ZRANB3: variants seen among roughly 807,000 people sequenced by gnomAD.
The protein encoded by ZRANB3 is DNA annealing helicase and endonuclease ZRANB3.
In ZRANB3, 125 loss-of-function variants were observed where a neutral mutation model predicts 133.8. The ratio of observed to expected loss-of-function variants is 0.93; its 90% CI spans 0.81 to 1.08. The LOEUF is 1.08. ZRANB3 is among the 50% of genes least tolerant of loss of function. The pLI is 0.00. For missense variants in ZRANB3, 1,229 were observed against 1,275.5 expected (o/e 0.96, Z 0.56); for synonymous variants, 387 against 432.7 (o/e 0.89, Z 1.31).
intron 2 of ZRANB3, among the ~76,000 whole-genome samples, chr2:135,462,591 C>T (rs1690809533): frequency 6.7e-6 from 1 of 148,622 alleles, no homozygotes; most frequent in African/African-American, 2.6e-5. Flanking sequence ...CCCTCTCTCT[C>T]TCTTTTTCTT....
chr2:135,475,476 G>C (rs1042809812), intron 2 of ZRANB3, among the ~76,000 whole-genome samples: 1 of 152,194 alleles, frequency 6.6e-6, no homozygotes, highest in African/African-American at 2.4e-5. Flanking sequence ...ATGTTGTCAT[G>C]CTCAATTTCA....
intron 3 of ZRANB3, among the ~76,000 whole-genome samples, chr2:135,367,599 T>A (rs955908353): frequency 2.0e-5 from 3 of 151,996 alleles, no homozygotes; most frequent in Non-Finnish European, 4.4e-5. Context: ...AAAAAATAAA[T>A]AAATAAATAA....
intron 2 of ZRANB3, among the ~76,000 whole-genome samples, chr2:135,479,803 A>C (rs1691680846): frequency 6.6e-6 from 1 of 152,188 alleles, no homozygotes; most frequent in Non-Finnish European, 1.5e-5. Context: ...TATTCTACAA[A>C]TCAAATTAAT....
intron 13 of ZRANB3, 133 bp from the exon 14 acceptor site, chr2:135,228,148 G>A (rs1694832210): frequency 1.3e-6 from 1 of 755,736 alleles, no homozygotes; most frequent in African/African-American, 1.8e-5. Flanking sequence ...TTTATCAGGA[G>A]CATACTATAT....
At chr2:135,477,651 C>T (rs1430482610) in intron 2 of ZRANB3, among the ~76,000 whole-genome samples, 28 of 152,128 alleles carry the variant, frequency 1.8e-4, no homozygotes, top group Admixed American at 1.8e-3. Context: ...GTTGAATCAT[C>T]TGAGTAAATT....
At chr2:135,450,543 T>G (rs890678174) in intron 2 of ZRANB3, among the ~76,000 whole-genome samples, 3 of 152,168 alleles carry the variant, frequency 2.0e-5, no homozygotes, top group African/African-American at 7.2e-5. Flanking sequence ...CTTCTCATAC[T>G]GCTTTTACGA....
chr2:135,252,492 CAT>C (rs1679446421), intron 12 of ZRANB3, among the ~76,000 whole-genome samples: 1 of 152,138 alleles, frequency 6.6e-6, no homozygotes, highest in South Asian at 2.1e-4. Context: ...TATCATATAA[CAT>C]ATAGATTATT....
At chr2:135,312,270 C>T (rs905895455) in intron 8 of ZRANB3, among the ~76,000 whole-genome samples, 11 of 151,426 alleles carry the variant, frequency 7.3e-5, no homozygotes, top group African/African-American at 2.7e-4. Flanking sequence ...ACAATCATAG[C>T]TCACTGTAGC....
chr2:135,245,436 G>C (rs994600195), intron 12 of ZRANB3, among the ~76,000 whole-genome samples: 1 of 152,048 alleles, frequency 6.6e-6, no homozygotes, highest in Non-Finnish European at 1.5e-5. Context: ...AGGGTCTCCT[G>C]GTTTACTGAA....
intron 12 of ZRANB3, among the ~76,000 whole-genome samples, chr2:135,239,982 CAAA>C (rs148300644): frequency 9.0e-6 from 1 of 110,932 alleles, no homozygotes. Flanking sequence ...GACTCCATGT[CAAA>C]AAAAAAAAAA....
At chr2:135,528,139 CTCTT>C in intron 1 of ZRANB3, among the ~76,000 whole-genome samples, 1 of 151,276 alleles carries the variant, frequency 6.6e-6, no homozygotes. Context: ...GACCTTAAAG[CTCTT>C]TTTTTTTTTT....
At chr2:135,397,835 G>A (rs939062824) in intron 2 of ZRANB3, among the ~76,000 whole-genome samples, 2 of 152,046 alleles carry the variant, frequency 1.3e-5, no homozygotes, top group African/African-American at 2.4e-5. Flanking sequence ...CAAGAGGAAA[G>A]CTGAAAGTTA....
At chr2:135,389,838 T>G (rs1687142793) in intron 3 of ZRANB3, among the ~76,000 whole-genome samples, 2 of 151,964 alleles carry the variant, frequency 1.3e-5, no homozygotes, top group Admixed American at 1.3e-4. Flanking sequence ...TTCCTTCATT[T>G]CTAATATATT....
At chr2:135,360,216 G>GA (rs1052155051) in intron 3 of ZRANB3, among the ~76,000 whole-genome samples, 6 of 151,588 alleles carry the variant, frequency 4.0e-5, no homozygotes, top group African/African-American at 1.5e-4. Flanking sequence ...CCGTCTCTAT[G>GA]AAAAATACAA....
chr2:135,522,733 G>T (rs1411538018), intron 1 of ZRANB3, among the ~76,000 whole-genome samples: 1 of 152,016 alleles, frequency 6.6e-6, no homozygotes, highest in Non-Finnish European at 1.5e-5. Context: ...GAAAAAAAAA[G>T]TTTTAGAAAA....
intron 12 of ZRANB3, among the ~76,000 whole-genome samples, chr2:135,256,605 G>C (rs1239402204): frequency 1.3e-5 from 2 of 152,254 alleles, no homozygotes; most frequent in Admixed American, 1.3e-4. Flanking sequence ...TGGGATTATA[G>C]GCGTGAGCCA....
At chr2:135,277,266 A>C (rs58681822) in intron 8 of ZRANB3, among the ~76,000 whole-genome samples, 13,350 of 152,270 alleles carry the variant, frequency 0.088, 772 homozygotes, top group South Asian at 0.24. Flanking sequence ...AAAAAACTAA[A>C]GATACTGCTA....
intron 2 of ZRANB3, among the ~76,000 whole-genome samples, chr2:135,459,429 T>C (rs1023134679): frequency 1.3e-5 from 2 of 152,176 alleles, no homozygotes; most frequent in African/African-American, 2.4e-5. Flanking sequence ...GGAAGAAGCA[T>C]ACCATGCCCA....
intron 8 of ZRANB3, among the ~76,000 whole-genome samples, chr2:135,297,651 C>G (rs1463363725): frequency 6.6e-6 from 1 of 152,242 alleles, no homozygotes; most frequent in Non-Finnish European, 1.5e-5. Context: ...GCAGAAATCA[C>G]CCGTCGTCTG....
Sources: gnomAD v4.1 joint callset for allele counts (sites outside exome capture counted in the v4.1 genomes callset) on GRCh38, gnomAD v4.1.1 for gene constraint, MANE v1.5 for transcripts, NCBI Gene and HGNC (gene_info 2026-07-23, HGNC 2026-07-21) for gene names.